The following RPS6KC1 variants were observed in gnomAD, a reference collection of about 807,000 sequenced individuals.
RPS6KC1 encodes the protein ribosomal protein S6 kinase C1.
Under a neutral mutation model 103.8 loss-of-function variants are expected in RPS6KC1, and 54 were observed. The ratio of observed to expected loss-of-function variants is 0.52; its 90% CI spans 0.42 to 0.65. The LOEUF (loss-of-function observed/expected upper bound fraction) is 0.65, where lower values mean the gene tolerates loss of function less well. RPS6KC1 is among the 30% of genes least tolerant of loss of function. The pLI, the probability that RPS6KC1 is intolerant of heterozygous loss-of-function variation, is 0.00. For synonymous variants in RPS6KC1, 439 were observed against 438.7 expected, an observed-to-expected ratio of 1.00 and a Z score of -0.01; for missense variants, 1,151 against 1,253.8, an observed-to-expected ratio of 0.92 and a Z score of 1.24.
At chr1:213,799,949 C>T in the RPS6KC1 span, among the ~76,000 whole-genome samples, 2 of 152,158 alleles carry the variant, frequency 1.3e-5, no homozygotes, top group East Asian at 1.9e-4. Flanking sequence ...TGAGCATGCT[C>T]TTTTTGTCTT....
At chr1:213,567,743 G>T in the RPS6KC1 span, among the ~76,000 whole-genome samples, 14 of 152,196 alleles carry the variant, frequency 9.2e-5, no homozygotes, top group Admixed American at 5.9e-4. Context: ...AGAGGGATTA[G>T]CAGCTTCTCC....
intron 6 of RPS6KC1, among the ~76,000 whole-genome samples, chr1:213,152,500 G>A (rs933533473): frequency 1.1e-4 from 17 of 148,858 alleles, no homozygotes; most frequent in East Asian, 2.0e-4. Context: ...GCTGCCGGGC[G>A]GAGGGGCTCC....
intron 8 of RPS6KC1, among the ~76,000 whole-genome samples, chr1:213,218,987 G>A (rs1039006161): frequency 4.6e-5 from 7 of 152,118 alleles, no homozygotes; most frequent in African/African-American, 1.7e-4. Context: ...AAAAGCAATG[G>A]CAACAAAAGC....
chr1:213,856,033 G>A, the RPS6KC1 span, among the ~76,000 whole-genome samples: 2 of 152,180 alleles, frequency 1.3e-5, no homozygotes, highest in East Asian at 3.9e-4. Context: ...TAGGTGACGA[G>A]GGAGCCTGGC....
chr1:213,295,929 A>AT, the RPS6KC1 span, among the ~76,000 whole-genome samples: 4 of 152,214 alleles, frequency 2.6e-5, no homozygotes, highest in Non-Finnish European at 5.9e-5. Context: ...CTAAGTTTAG[A>AT]TTTTAGATCA....
chr1:213,747,557 A>G, the RPS6KC1 span, among the ~76,000 whole-genome samples: 8 of 152,340 alleles, frequency 5.3e-5, no homozygotes, highest in Non-Finnish European at 1.2e-4. Context: ...GTTTAGTTTT[A>G]AGGTGAGAAA....
chr1:213,266,348 GA>G (rs1485683246), intron 14 of RPS6KC1, among the ~76,000 whole-genome samples: 2 of 152,184 alleles, frequency 1.3e-5, no homozygotes, highest in African/African-American at 4.8e-5. Context: ...TAACATCCAA[GA>G]GTGGAATTTC....
chr1:213,755,989 C>T, the RPS6KC1 span, among the ~76,000 whole-genome samples: 1 of 152,298 alleles, frequency 6.6e-6, no homozygotes, highest in Non-Finnish European at 1.5e-5. Context: ...CCAGCACTAC[C>T]TCCACTCCTA....
the RPS6KC1 span, among the ~76,000 whole-genome samples, chr1:213,629,867 T>C: frequency 3.9e-5 from 6 of 152,322 alleles, no homozygotes; most frequent in East Asian, 9.6e-4. Context: ...GGATATGAAA[T>C]TCTGGGTTGA....
At chr1:213,235,030 C>T (rs1231929579) in intron 10 of RPS6KC1, among the ~76,000 whole-genome samples, 1 of 152,190 alleles carries the variant, frequency 6.6e-6, no homozygotes, top group East Asian at 1.9e-4. Flanking sequence ...ACATCAGTGG[C>T]ACCTCCGTAG....
the RPS6KC1 span, among the ~76,000 whole-genome samples, chr1:213,560,073 C>T: frequency 6.6e-6 from 1 of 152,130 alleles, no homozygotes; most frequent in African/African-American, 2.4e-5. Flanking sequence ...GCAACATGAA[C>T]ATCAACATGT....
At chr1:213,201,101 C>T (rs2093146338) in intron 8 of RPS6KC1, among the ~76,000 whole-genome samples, 1 of 152,168 alleles carries the variant, frequency 6.6e-6, no homozygotes, top group Non-Finnish European at 1.5e-5. Context: ...CAAACCTGCA[C>T]ATGTACCCCT....
chr1:213,666,567 A>T, the RPS6KC1 span, among the ~76,000 whole-genome samples: 4 of 152,262 alleles, frequency 2.6e-5, no homozygotes, highest in Admixed American at 1.3e-4. Flanking sequence ...TATATTTTAT[A>T]AAAACTAGTT....
At chr1:213,194,048 G>A (rs1353713314) in intron 8 of RPS6KC1, among the ~76,000 whole-genome samples, 1 of 152,154 alleles carries the variant, frequency 6.6e-6, no homozygotes, top group Non-Finnish European at 1.5e-5. Flanking sequence ...TTGCTGGATT[G>A]ACCCCTTTAT....
chr1:213,303,021 T>C, the RPS6KC1 span, among the ~76,000 whole-genome samples: 2 of 152,162 alleles, frequency 1.3e-5, no homozygotes, highest in Non-Finnish European at 2.9e-5. Flanking sequence ...CCCCGGGTAA[T>C]GTGTGGGCAC....
the RPS6KC1 span, among the ~76,000 whole-genome samples, chr1:213,579,949 G>A: frequency 6.6e-6 from 1 of 152,076 alleles, no homozygotes; most frequent in African/African-American, 2.4e-5. Flanking sequence ...TGTACAAGGA[G>A]ATGAATGTTG....
At chr1:213,066,244 A>G (rs973674117) in intron 1 of RPS6KC1, among the ~76,000 whole-genome samples, 1 of 152,234 alleles carries the variant, frequency 6.6e-6, no homozygotes, top group Non-Finnish European at 1.5e-5. Flanking sequence ...AGGGGGCAGA[A>G]GGATGAAGAA....
At chr1:213,228,095 G>A (rs146315604) in intron 8 of RPS6KC1, among the ~76,000 whole-genome samples, 185 of 152,282 alleles carry the variant, frequency 1.2e-3, no homozygotes, top group South Asian at 2.9e-3. Flanking sequence ...AAGGGTTAGA[G>A]ATTCTATAAT....
intron 12 of RPS6KC1, among the ~76,000 whole-genome samples, chr1:213,256,070 A>G (rs935073121): frequency 6.6e-6 from 1 of 151,890 alleles, no homozygotes; most frequent in Non-Finnish European, 1.5e-5. Context: ...ACCTTTTTAC[A>G]GTTCTTATCC....
Sources: allele counts gnomAD v4.1 joint callset (sites outside exome capture counted in the v4.1 genomes callset), GRCh38; gene constraint gnomAD v4.1.1; transcripts MANE v1.5; gene names NCBI Gene and HGNC (gene_info 2026-07-23, HGNC 2026-07-21).